The following RACGAP1 variants were observed in gnomAD, a reference collection of about 807,000 sequenced individuals.
RACGAP1 encodes the protein Rac GTPase activating protein 1.
In RACGAP1, 30 loss-of-function variants were observed where a neutral mutation model predicts 78.1. The observed-to-expected ratio is 0.38, with a 90% CI of 0.29 to 0.52. The LOEUF (loss-of-function observed/expected upper bound fraction) is 0.52, where lower values mean the gene tolerates loss of function less well. Ranked by LOEUF, RACGAP1 falls within the 20% of genes least tolerant of loss-of-function variation. The pLI is 0.82. For synonymous variants in RACGAP1, 231 were observed against 264.8 expected (o/e 0.87, Z 1.24); for missense variants, 587 against 777.1 (o/e 0.76, Z 2.91).
chr12:50,016,842 A>ACC, intron 1 of RACGAP1, 123 bp from the exon 2 acceptor site: 1 of 1,387,772 alleles, frequency 7.2e-7, no homozygotes, highest in Non-Finnish European at 9.6e-7. Flanking sequence ...CCATTATAAG[A>ACC]ATCTCAAGCT....
chr12:50,006,372 T>G, intron 3 of RACGAP1, 62 bp downstream of exon 3: 1 of 1,573,670 alleles, frequency 6.4e-7, no homozygotes, highest in Non-Finnish European at 8.7e-7. Context: ...AAGTGGAAAC[T>G]GTCAGACAAT....
chr12:49,996,908 C>T lies in RACGAP1; in HGVS notation c.1044+132G>A, dbSNP rs559785230. ...ACAGGACTCTTCTACAAGTAAGTAT[C>T]TTACAATTCTAGTCATTATTTGTGG... On this transcript the variant is annotated intron_variant, in intron 10 of 16. Transcript: ENST00000312377. The T allele has an allele frequency of 1.7e-4, 224 of 1,324,720 alleles. No homozygotes were observed. The East Asian group carries it at 4.7e-3, about 28-fold the overall frequency. The allele number at this position is 1,324,720 out of a possible 1,614,324, so 82.1% of individuals were successfully genotyped here. A position where few individuals can be genotyped will look rare whatever the true frequency, so the allele number is the denominator to read the frequency against.
intron 9 of RACGAP1, 61 bp from the exon 10 acceptor site, chr12:49,997,265 CAACT>C (rs1316211664): frequency 4.2e-5 from 53 of 1,248,484 alleles, no homozygotes; most frequent in African/African-American, 1.1e-4. Context: ...TCATCATAAT[CAACT>C]AACTTTTTTT....
At chr12:50,007,645 A>C (rs1470983996) in intron 2 of RACGAP1, among the ~76,000 whole-genome samples, 1 of 152,230 alleles carries the variant, frequency 6.6e-6, no homozygotes, top group African/African-American at 2.4e-5. Context: ...AAAGCATAGA[A>C]ACAATACATA....
chr12:50,016,605 G>T, intron 2 of RACGAP1, 26 bp downstream of exon 2: 1 of 1,595,180 alleles, frequency 6.3e-7, no homozygotes, highest in Non-Finnish European at 8.6e-7. Flanking sequence ...TTTTTCCTTT[G>T]GACAGGCCAG....
rs796411818 is a variant in RACGAP1, at chr12:50,007,244, GA to G, written c.86-609del. 7.1e-3 allele frequency among the ~76,000 whole-genome samples: 958 copies of G among 134,856 alleles called. 4 individuals are homozygous for G. The highest frequency in any genetic ancestry group is 0.011 in the Non-Finnish European group (700 of 62,174). 88.5% of individuals were successfully genotyped at this position (134,856 alleles called of 152,430 possible). ...TGAAGGGTATGTAAACATTCCAGTT[GA>G]AAAAAAAAAAAACAGGAAGAGAAGA... On this transcript the variant is annotated intron_variant, in intron 2 of 16. Transcript: ENST00000312377.
At chr12:50,016,276 G>A (rs1293277370) in intron 2 of RACGAP1, among the ~76,000 whole-genome samples, 1 of 152,050 alleles carries the variant, frequency 6.6e-6, no homozygotes, top group African/African-American at 2.4e-5. Context: ...CCTGCTACTC[G>A]AGAGGCTGAG....
chr12:50,031,828 C>A, exon 2 of RACGAP1: 1 of 827,278 alleles, frequency 1.2e-6, no homozygotes, highest in Non-Finnish European at 1.5e-6. Flanking sequence ...GTCACTGTTA[C>A]ACGGCCTTTC....
chr12:50,008,931 G>A (rs1338177719), intron 2 of RACGAP1, among the ~76,000 whole-genome samples: 1 of 152,200 alleles, frequency 6.6e-6, no homozygotes, highest in Non-Finnish European at 1.5e-5. Context: ...GTCAGTTGGT[G>A]AATCACAATT....
At chr12:49,995,649 CCTGG>C (rs1948214606) in intron 10 of RACGAP1, among the ~76,000 whole-genome samples, 1 of 152,040 alleles carries the variant, frequency 6.6e-6, no homozygotes, top group Admixed American at 6.6e-5. Context: ...ACACCACTAA[CCTGG>C]CTAACTTATT....
chr12:49,999,773 T>C, intron 7 of RACGAP1, 40 bp from the exon 8 acceptor site: 1 of 1,486,412 alleles, frequency 6.7e-7, no homozygotes, highest in Non-Finnish European at 9.4e-7. Context: ...AAACAAAGAA[T>C]CTAACTTACC....
intron 1 of RACGAP1, chr12:50,032,877 G>T (rs1276740158): frequency 1.3e-5 from 2 of 152,136 alleles, no homozygotes; most frequent in Non-Finnish European, 2.9e-5. Flanking sequence ...CCTCCCACGC[G>T]CTCCCCCGCG....
intron 5 of RACGAP1, 22 bp downstream of exon 5, chr12:50,004,213 T>C: frequency 6.3e-7 from 1 of 1,592,954 alleles, no homozygotes; most frequent in African/African-American, 1.3e-5. Flanking sequence ...TAGGTAATTC[T>C]CAGAGATCAA....
chr12:49,993,381 G>A lies in RACGAP1; in HGVS notation c.1340-726C>T, dbSNP rs187410445. Among the ~76,000 whole-genome samples, 8 of 152,240 alleles carry A rather than the reference G, an allele frequency of 5.3e-5. No homozygotes were observed. The East Asian group carries it at 5.8e-4, about 11-fold the overall frequency. On this transcript the variant is annotated intron_variant, in intron 12 of 16. Coordinates refer to ENST00000312377, the MANE Select transcript of RACGAP1 (RefSeq NM_001319999.2). ...AAGGAAGAACACTGTACACAATAACGTAATGAGAAAGCAAGAGGATAGGCA... is the reference window on the plus strand; with the variant it reads ...AAGGAAGAACACTGTACACAATAACATAATGAGAAAGCAAGAGGATAGGCA...
At chr12:49,994,058 T>TA (rs1434014851) in intron 12 of RACGAP1, 73 bp downstream of exon 12, 6 of 1,367,038 alleles carry the variant, frequency 4.4e-6, no homozygotes, top group African/African-American at 3.0e-5. Flanking sequence ...AAAAAATAAA[T>TA]AAAAAAATAA....
At chr12:49,999,391 A>G (rs1948508631) in intron 8 of RACGAP1, 120 bp from the exon 9 acceptor site, 2 of 1,281,148 alleles carry the variant, frequency 1.6e-6, no homozygotes, top group Non-Finnish European at 2.1e-6. Context: ...AGTGAGAACT[A>G]ATGGCTATGT....
chr12:49,992,662 T>C lies in RACGAP1; in HGVS notation c.1340-7A>G, dbSNP rs1280723299. ...TTGTCTTCATCTGTGATTTCTGTAATTGAAAAGAAAGCACCAAGAGGCCTA... is the reference window on the plus strand; with the variant it reads ...TTGTCTTCATCTGTGATTTCTGTAACTGAAAAGAAAGCACCAAGAGGCCTA... On this transcript the variant is annotated splice_region_variant and splice_polypyrimidine_tract_variant and intron_variant, in intron 12 of 16. Coordinates refer to ENST00000312377, the MANE Select transcript of RACGAP1 (RefSeq NM_001319999.2). 6.2e-7 allele frequency: 1 copy of C among 1,604,082 alleles called. No individual in the cohort carries two copies. Among genetic ancestry groups the C allele is most frequent in the South Asian group, 1.1e-5 (1 of 89,178 alleles).
chr12:50,007,557 C>T (rs906395979), intron 2 of RACGAP1, among the ~76,000 whole-genome samples: 1 of 152,232 alleles, frequency 6.6e-6, no homozygotes, highest in African/African-American at 2.4e-5. Context: ...CCAGTTAAAA[C>T]TGAAACTAGG....
chr12:50,016,444 G>T (rs1267892012), intron 2 of RACGAP1, among the ~76,000 whole-genome samples, 187 bp downstream of exon 2: 4 of 152,152 alleles, frequency 2.6e-5, no homozygotes, highest in Non-Finnish European at 4.4e-5. Flanking sequence ...AGCAGCTATA[G>T]AAAAGAATTT....
Sources: allele counts gnomAD v4.1 joint callset (sites outside exome capture counted in the v4.1 genomes callset), GRCh38; gene constraint gnomAD v4.1.1; transcripts MANE v1.5; gene names NCBI Gene and HGNC (gene_info 2026-07-23, HGNC 2026-07-21).